The following SRRM4 variants were observed in gnomAD, a reference collection of about 807,000 sequenced individuals.
The protein encoded by SRRM4 is serine/arginine repetitive matrix 4.
SRRM4 carries 33 observed loss-of-function variants against 68.9 expected under a neutral mutation model. That is an observed-to-expected ratio of 0.48 (90% CI 0.36 to 0.64). The LOEUF (loss-of-function observed/expected upper bound fraction) is 0.64, where lower values mean the gene tolerates loss of function less well. Ranked by LOEUF, SRRM4 falls within the 30% of genes least tolerant of loss-of-function variation. The probability of loss-of-function intolerance (pLI) is 0.00; values close to 1 mark genes in which losing one functional copy is unlikely to be tolerated. For synonymous variants in SRRM4, 318 were observed against 318.8 expected (o/e 1.00, Z 0.03); for missense variants, 817 against 827.1 (o/e 0.99, Z 0.15).
At chr12:119,002,253 T>C (rs932365878) in intron 1 of SRRM4, among the ~76,000 whole-genome samples, 1 of 152,096 alleles carries the variant, frequency 6.6e-6, no homozygotes, top group Non-Finnish European at 1.5e-5. Context: ...TTCAAGTTTC[T>C]CTTTGATCTT....
intron 1 of SRRM4, among the ~76,000 whole-genome samples, chr12:119,012,430 C>T (rs1262359383): frequency 6.6e-6 from 1 of 152,218 alleles, no homozygotes; most frequent in East Asian, 1.9e-4. Flanking sequence ...TTTCTGTGAA[C>T]TCTGTGAATT....
At chr12:119,080,289 GA>G (rs1953940188) in intron 1 of SRRM4, among the ~76,000 whole-genome samples, 1 of 151,872 alleles carries the variant, frequency 6.6e-6, no homozygotes, top group Non-Finnish European at 1.5e-5. Context: ...TAAAATAGGA[GA>G]AAAAATATTG....
At chr12:119,042,622 G>A (rs546356626) in intron 1 of SRRM4, among the ~76,000 whole-genome samples, 86 of 151,432 alleles carry the variant, frequency 5.7e-4, no homozygotes, top group African/African-American at 2.0e-3. Context: ...GATAGCAAGA[G>A]GGATGAGAGG....
chr12:119,117,075 A>G (rs933296608), intron 4 of SRRM4, 67 bp downstream of exon 4: 18 of 1,288,818 alleles, frequency 1.4e-5, no homozygotes, highest in Non-Finnish European at 2.0e-5. Context: ...TGATGGCACT[A>G]AAAGGTCATC....
chr12:119,045,392 A>C (rs1330946967), intron 1 of SRRM4, among the ~76,000 whole-genome samples: 1 of 151,456 alleles, frequency 6.6e-6, no homozygotes, highest in African/African-American at 2.4e-5. Flanking sequence ...CCATAAGGAG[A>C]AAGGGCAGAG....
intron 8 of SRRM4, among the ~76,000 whole-genome samples, chr12:119,140,682 C>T (rs1157747704): frequency 6.6e-6 from 1 of 152,228 alleles, no homozygotes; most frequent in African/African-American, 2.4e-5. Flanking sequence ...AGTAAGAAGA[C>T]CCAGCACAGC....
At chr12:119,125,282 T>G (rs1954249895) in intron 6 of SRRM4, 99 bp from the exon 7 acceptor site, 2 of 1,109,884 alleles carry the variant, frequency 1.8e-6, no homozygotes, top group Non-Finnish European at 2.6e-6. Flanking sequence ...TGGTGACCAG[T>G]GCAAAGGAAA....
At chr12:119,005,311 C>A (rs929909196) in intron 1 of SRRM4, among the ~76,000 whole-genome samples, 1 of 152,176 alleles carries the variant, frequency 6.6e-6, no homozygotes, top group African/African-American at 2.4e-5. Context: ...TCCTCTGAGA[C>A]GATAAATGGA....
chr12:118,988,634 G>GCTAAA (rs1953297885), intron 1 of SRRM4, among the ~76,000 whole-genome samples: 1 of 152,038 alleles, frequency 6.6e-6, no homozygotes, highest in African/African-American at 2.4e-5. Flanking sequence ...CTGCACGTTG[G>GCTAAA]CTAAAAAAAA....
intron 1 of SRRM4, among the ~76,000 whole-genome samples, chr12:119,050,108 C>T (rs1166003879): frequency 6.6e-6 from 1 of 152,180 alleles, no homozygotes; most frequent in Admixed American, 6.5e-5. Flanking sequence ...CAATCGTGCA[C>T]TCTTCATACC....
chr12:118,994,859 T>C (rs1335799553), intron 1 of SRRM4, among the ~76,000 whole-genome samples: 1 of 152,178 alleles, frequency 6.6e-6, no homozygotes, highest in African/African-American at 2.4e-5. Context: ...AGTTTGATGG[T>C]GGTGGTGGAG....
At chr12:119,124,821 A>AC (rs1954246623) in intron 6 of SRRM4, among the ~76,000 whole-genome samples, 1 of 151,204 alleles carries the variant, frequency 6.6e-6, no homozygotes, top group Admixed American at 6.5e-5. Flanking sequence ...TTGCCCAAAA[A>AC]GGTGCCTTTA....
chr12:119,065,700 C>T (rs1254649103), intron 1 of SRRM4, among the ~76,000 whole-genome samples: 1 of 151,984 alleles, frequency 6.6e-6, no homozygotes, highest in Non-Finnish European at 1.5e-5. Context: ...TGCAGTGAGC[C>T]GAGATTGTGC....
chr12:119,110,415 C>T (rs1040536787), intron 2 of SRRM4, among the ~76,000 whole-genome samples: 8 of 152,204 alleles, frequency 5.3e-5, no homozygotes, highest in African/African-American at 1.7e-4. Flanking sequence ...CTATGCCCTG[C>T]CCCCAGAGGT....
rs1954222905 is a variant in SRRM4 at position 119,122,070 on chromosome 12, C to T, written c.465C>T (p.Ser155=). Residue 155 remains serine, a splice_region_variant and synonymous_variant, in exon 6 of 13, where the codon AGC becomes AGT. Coordinates refer to ENST00000267260, the MANE Select transcript of SRRM4 (RefSeq NM_194286.4). The part of the protein sequence containing the change: ...RRSFSKKRRH[S]SSSPKSKRRD... ...AATTAATTGACCATTTCTTGTTTAG[C>T]TCCTCTAGCCCAAAAAGCAAAAGAA... The T allele has an allele frequency of 4.4e-6, 7 of 1,605,216 alleles. No individual in the cohort carries two copies. The highest frequency in any genetic ancestry group is 6.0e-6 in the Non-Finnish European group (7 of 1,172,074).
intron 1 of SRRM4, among the ~76,000 whole-genome samples, chr12:119,047,673 CCCTGGACCAGTGGTCA>C (rs1474565190): frequency 6.6e-6 from 1 of 152,330 alleles, no homozygotes; most frequent in East Asian, 1.9e-4. Flanking sequence ...GCACTCATTT[CCCTGGACCAGTGGTCA>C]CCTGGACAAG....
chr12:119,134,134 C>T (rs1015660666), intron 8 of SRRM4, among the ~76,000 whole-genome samples: 2 of 152,108 alleles, frequency 1.3e-5, no homozygotes, highest in African/African-American at 4.8e-5. Context: ...ATTTCACATG[C>T]ACAGCTTTTT....
At chr12:119,041,815 G>A (rs573524556) in intron 1 of SRRM4, among the ~76,000 whole-genome samples, 1 of 152,318 alleles carries the variant, frequency 6.6e-6, no homozygotes, top group East Asian at 1.9e-4. Flanking sequence ...GCTCTGGATG[G>A]TGGTCAGAGG....
In SRRM4 at chr12:119,125,417, C is replaced by T. The variant is rs762086171; in HGVS notation, c.552C>T (p.Arg184=). ...GGCCCCGAAAGTCTCACCGCCACCG[C>T]CATCACCGCTGCCCCTCGCGGTCCC... The part of the protein sequence containing the change: ...RSRPRKSHRH[R]HHRCPSRSQS... Residue 184 remains arginine (R), a synonymous_variant, in exon 7 of 13, where the codon CGC becomes CGT. Transcript: ENST00000267260. The T allele has an allele frequency of 2.5e-6, 4 of 1,613,648 alleles. No homozygotes were observed. The East Asian group carries it at 8.9e-5, about 36-fold the overall frequency.
Sources: gnomAD v4.1 joint callset for allele counts (sites outside exome capture counted in the v4.1 genomes callset) on GRCh38, gnomAD v4.1.1 for gene constraint, MANE v1.5 for transcripts, NCBI Gene and HGNC (gene_info 2026-07-23, HGNC 2026-07-21) for gene names.